The following DCC variants were observed in gnomAD, a reference collection of about 807,000 sequenced individuals.
DCC encodes DCC netrin 1 receptor, also known as netrin receptor DCC.
Under a neutral mutation model 172.5 loss-of-function variants are expected in DCC, and 58 were observed. The ratio of observed to expected loss-of-function variants is 0.34; its 90% CI spans 0.27 to 0.42. The LOEUF is 0.42. Among genes scored for constraint, DCC ranks in the 10% least tolerant of loss-of-function variants. DCC has a pLI of 1.00. For missense variants in DCC, 1,740 were observed against 1,791.0 expected (o/e 0.97, Z 0.51); for synonymous variants, 709 against 644.5 (o/e 1.10, Z -1.52).
chr18:52,632,359 A>G (rs1420900702), intron 1 of DCC, among the ~76,000 whole-genome samples: 2 of 152,212 alleles, frequency 1.3e-5, no homozygotes, highest in East Asian at 1.9e-4. Flanking sequence ...CAATTAAAAA[A>G]TCTGTTGAAT....
intron 2 of DCC, among the ~76,000 whole-genome samples, chr18:52,878,717 G>C (rs188141059): frequency 1.3e-5 from 2 of 152,164 alleles, no homozygotes; most frequent in Admixed American, 1.3e-4. Flanking sequence ...ACTAGGACGG[G>C]TCACTTGTGT....
At chr18:52,825,197 C>T (rs1329302743) in intron 2 of DCC, among the ~76,000 whole-genome samples, 3 of 152,192 alleles carry the variant, frequency 2.0e-5, no homozygotes, top group African/African-American at 7.2e-5. Context: ...GGATGCTAAC[C>T]ATCCTATGAT....
At chr18:53,295,793 A>G (rs2057059804) in intron 12 of DCC, among the ~76,000 whole-genome samples, 1 of 152,158 alleles carries the variant, frequency 6.6e-6, no homozygotes, top group Non-Finnish European at 1.5e-5. Context: ...ATCCATGTAA[A>G]TGCATTATTA....
chr18:52,885,852 G>A (rs4939712), intron 2 of DCC, among the ~76,000 whole-genome samples: 39,909 of 151,696 alleles, frequency 0.26, 5,447 homozygotes, highest in Admixed American at 0.33. Context: ...AGGGCTTAAG[G>A]GCTCTTTAGT....
At chr18:52,525,736 T>G (rs2031962611) in intron 1 of DCC, among the ~76,000 whole-genome samples, 1 of 152,196 alleles carries the variant, frequency 6.6e-6, no homozygotes, top group Non-Finnish European at 1.5e-5. Flanking sequence ...TGATAGTTAT[T>G]GTCATAGACA....
chr18:53,110,519 A>G (rs1286482022), intron 7 of DCC, among the ~76,000 whole-genome samples: 1 of 151,842 alleles, frequency 6.6e-6, no homozygotes, highest in Non-Finnish European at 1.5e-5. Flanking sequence ...AGAGACGTCT[A>G]AGTCTAAAGA....
chr18:53,366,156 A>T (rs369687803), intron 15 of DCC, among the ~76,000 whole-genome samples: 8 of 152,118 alleles, frequency 5.3e-5, no homozygotes, highest in African/African-American at 1.9e-4. Flanking sequence ...TCCTGGGTTC[A>T]AGTGATTCTC....
At chr18:52,458,217 C>T (rs1988518257) in intron 1 of DCC, among the ~76,000 whole-genome samples, 1 of 152,296 alleles carries the variant, frequency 6.6e-6, no homozygotes, top group South Asian at 2.1e-4. Flanking sequence ...GTCCCAGTCA[C>T]ACGGCTGCAG....
At chr18:53,021,141 C>T (rs1186608891) in intron 5 of DCC, among the ~76,000 whole-genome samples, 2 of 152,106 alleles carry the variant, frequency 1.3e-5, no homozygotes, top group African/African-American at 2.4e-5. Context: ...CCACAAAGGT[C>T]GGCTTCCTCA....
intron 5 of DCC, among the ~76,000 whole-genome samples, chr18:52,949,594 C>T (rs1598961415): frequency 6.6e-6 from 1 of 152,164 alleles, no homozygotes; most frequent in East Asian, 1.9e-4. Flanking sequence ...CCTCAAATAG[C>T]CCTGAAGATT....
intron 15 of DCC, among the ~76,000 whole-genome samples, chr18:53,346,092 C>A (rs901264951): frequency 4.6e-5 from 7 of 152,096 alleles, no homozygotes; most frequent in Non-Finnish European, 8.8e-5. Flanking sequence ...CTCCCAGGCT[C>A]AAGTAATCCT....
intron 1 of DCC, among the ~76,000 whole-genome samples, chr18:52,572,104 A>G (rs1407536276): frequency 2.0e-5 from 3 of 152,214 alleles, no homozygotes; most frequent in Non-Finnish European, 2.9e-5. Context: ...AATGTTTGGA[A>G]CATCCAAAGT....
chr18:53,342,330 A>G (rs1420241462), intron 15 of DCC, among the ~76,000 whole-genome samples: 1 of 151,974 alleles, frequency 6.6e-6, no homozygotes, highest in Admixed American at 6.6e-5. Flanking sequence ...AATATTTATA[A>G]TTAATCTATT....
intron 2 of DCC, among the ~76,000 whole-genome samples, chr18:52,853,249 C>T (rs1449404618): frequency 6.6e-6 from 1 of 152,098 alleles, no homozygotes; most frequent in African/African-American, 2.4e-5. Context: ...GTGCCTGGCA[C>T]AGAGCTGGGC....
At chr18:53,426,283 C>CATAT (rs1910935718) in intron 21 of DCC, among the ~76,000 whole-genome samples, 2 of 132,498 alleles carry the variant, frequency 1.5e-5, no homozygotes, top group South Asian at 2.3e-4. Flanking sequence ...TTATATATTA[C>CATAT]ATATTTATAA....
intron 1 of DCC, among the ~76,000 whole-genome samples, chr18:52,699,401 A>T (rs2036069381): frequency 1.3e-5 from 2 of 152,200 alleles, no homozygotes; most frequent in African/African-American, 4.8e-5. Flanking sequence ...TATCTGAATT[A>T]TCCCCTATCC....
chr18:52,905,070 G>A (rs760264868), intron 2 of DCC, among the ~76,000 whole-genome samples: 15 of 151,994 alleles, frequency 9.9e-5, no homozygotes, highest in Non-Finnish European at 1.6e-4. Context: ...CATGTACAAC[G>A]TCATGGCAGA....
At chr18:53,229,063 C>A (rs977331038) in intron 12 of DCC, among the ~76,000 whole-genome samples, 6 of 152,066 alleles carry the variant, frequency 3.9e-5, no homozygotes, top group Admixed American at 6.6e-5. Flanking sequence ...TTCAGTAGGT[C>A]TTTAAGCCAG....
At chr18:53,505,458 A>AT (rs1264059588) in intron 27 of DCC, 2 of 152,224 alleles carry the variant, frequency 1.3e-5, no homozygotes. Flanking sequence ...AACAGCTAGT[A>AT]TTTTTCAGAA....
Sources: gnomAD v4.1 joint callset for allele counts (sites outside exome capture counted in the v4.1 genomes callset) on GRCh38, gnomAD v4.1.1 for gene constraint, MANE v1.5 for transcripts, NCBI Gene and HGNC (gene_info 2026-07-23, HGNC 2026-07-21) for gene names.